Variants in THRB observed in about 807,000 individuals in gnomAD.
THRB encodes the protein nuclear receptor subfamily 1 group A member 2.
THRB carries 12 observed loss-of-function variants against 47.8 expected under a neutral mutation model. The ratio of observed to expected loss-of-function variants is 0.25; its 90% CI spans 0.16 to 0.41. THRB has a LOEUF of 0.41. THRB is among the 10% of genes least tolerant of loss of function. The probability of loss-of-function intolerance (pLI) is 1.00; values close to 1 mark genes in which losing one functional copy is unlikely to be tolerated. For synonymous variants in THRB, 218 were observed against 212.2 expected (o/e 1.03, Z -0.24); for missense variants, 348 against 589.2 (o/e 0.59, Z 4.24).
intron 5 of THRB, among the ~76,000 whole-genome samples, chr3:24,173,265 T>C (rs879800642): frequency 1.2e-4 from 18 of 152,194 alleles, no homozygotes; most frequent in Non-Finnish European, 1.9e-4. Flanking sequence ...CATCACTGGC[T>C]GTTACCTTGA....
chr3:24,479,014 T>C (rs1695933016), intron 1 of THRB, among the ~76,000 whole-genome samples: 3 of 152,114 alleles, frequency 2.0e-5, no homozygotes, highest in Admixed American at 2.0e-4. Flanking sequence ...TATCCTATAA[T>C]GCGGCCGGGC....
chr3:24,180,745 G>C (rs2041791960), intron 5 of THRB, among the ~76,000 whole-genome samples: 1 of 152,180 alleles, frequency 6.6e-6, no homozygotes, highest in South Asian at 2.1e-4. Context: ...CCACAGAATA[G>C]AATAACTGGA....
At chr3:24,400,921 A>C (rs2067340940) in intron 1 of THRB, among the ~76,000 whole-genome samples, 1 of 152,070 alleles carries the variant, frequency 6.6e-6, no homozygotes, top group Non-Finnish European at 1.5e-5. Flanking sequence ...AGAAAAAACA[A>C]AATATTATCT....
At chr3:24,453,138 C>T (rs1351388880) in intron 1 of THRB, among the ~76,000 whole-genome samples, 1 of 152,208 alleles carries the variant, frequency 6.6e-6, no homozygotes, top group Non-Finnish European at 1.5e-5. Context: ...AAACTTCCCT[C>T]CTCTTCTCCA....
chr3:24,181,428 T>C (rs1417772906), intron 5 of THRB, among the ~76,000 whole-genome samples: 1 of 152,252 alleles, frequency 6.6e-6, no homozygotes, highest in African/African-American at 2.4e-5. Flanking sequence ...CTAAACATTC[T>C]CCTATGTGTT....
intron 5 of THRB, among the ~76,000 whole-genome samples, chr3:24,175,535 T>G (rs989424487): frequency 2.6e-5 from 4 of 152,182 alleles, no homozygotes; most frequent in African/African-American, 4.8e-5. Flanking sequence ...TTCGTAAGGC[T>G]GGAGATTGAA....
intron 1 of THRB, among the ~76,000 whole-genome samples, chr3:24,375,359 T>G (rs2065195521): frequency 7.2e-6 from 1 of 139,520 alleles, no homozygotes; most frequent in African/African-American, 2.7e-5. Context: ...ATAATATTAA[T>G]ATATTATATT....
intron 1 of THRB, among the ~76,000 whole-genome samples, chr3:24,485,327 A>G (rs1440834745): frequency 6.6e-6 from 1 of 152,270 alleles, no homozygotes; most frequent in Non-Finnish European, 1.5e-5. Flanking sequence ...ATGTAGAGCT[A>G]GCTTGCTAAA....
At chr3:24,361,092 A>G (rs901031460) in intron 1 of THRB, among the ~76,000 whole-genome samples, 2 of 152,180 alleles carry the variant, frequency 1.3e-5, no homozygotes, top group East Asian at 3.9e-4. Flanking sequence ...GATTTTTATA[A>G]TAACTGTTGA....
intron 1 of THRB, among the ~76,000 whole-genome samples, chr3:24,388,216 AC>A (rs1357842857): frequency 2.0e-5 from 3 of 152,086 alleles, no homozygotes; most frequent in East Asian, 3.9e-4. Context: ...CAGCCCCGTC[AC>A]CCAACTTGGA....
intron 2 of THRB, among the ~76,000 whole-genome samples, chr3:24,330,045 C>G (rs2061818153): frequency 6.6e-6 from 1 of 152,192 alleles, no homozygotes; most frequent in Non-Finnish European, 1.5e-5. Flanking sequence ...GTGGCTCACG[C>G]CTGTAATCCC....
intron 5 of THRB, among the ~76,000 whole-genome samples, chr3:24,159,684 G>A (rs371129483): frequency 8.5e-5 from 13 of 152,048 alleles, no homozygotes; most frequent in African/African-American, 3.1e-4. Context: ...CCTCCCAGGG[G>A]ACATTTGGCG....
intron 3 of THRB, among the ~76,000 whole-genome samples, chr3:24,279,643 A>C (rs112397755): frequency 0.054 from 8,107 of 149,244 alleles, 701 homozygotes; most frequent in African/African-American, 0.18. Context: ...GATCCACCTG[A>C]CTCGGCCTCC....
At chr3:24,173,714 C>G (rs910543157) in intron 5 of THRB, among the ~76,000 whole-genome samples, 4 of 152,364 alleles carry the variant, frequency 2.6e-5, no homozygotes, top group Non-Finnish European at 5.9e-5. Flanking sequence ...ATCTCCTCAT[C>G]TGTCTTTTAC....
At chr3:24,127,881 A>T in intron 9 of THRB, 124 bp from the exon 10 acceptor site, 1 of 1,165,330 alleles carries the variant, frequency 8.6e-7, no homozygotes. Context: ...GCATTCTTTG[A>T]GCCCATGGTT....
intron 4 of THRB, among the ~76,000 whole-genome samples, chr3:24,194,594 G>A (rs1390232559): frequency 6.6e-6 from 1 of 152,160 alleles, no homozygotes; most frequent in African/African-American, 2.4e-5. Flanking sequence ...GGGAGTTTAG[G>A]CTTGAATGAT....
At chr3:24,173,245 A>G (rs1183783123) in intron 5 of THRB, among the ~76,000 whole-genome samples, 1 of 152,150 alleles carries the variant, frequency 6.6e-6, no homozygotes, top group Non-Finnish European at 1.5e-5. Context: ...GTCTGTGTCA[A>G]CTTTTCTAGC....
At chr3:24,354,330 T>G (rs1202265349) in intron 1 of THRB, among the ~76,000 whole-genome samples, 1 of 152,048 alleles carries the variant, frequency 6.6e-6, no homozygotes, top group African/African-American at 2.4e-5. Flanking sequence ...ATCACACAAA[T>G]TTACCTATGT....
At chr3:24,202,192 A>G (rs1339243318) in intron 4 of THRB, among the ~76,000 whole-genome samples, 3 of 152,230 alleles carry the variant, frequency 2.0e-5, no homozygotes, top group Non-Finnish European at 4.4e-5. Context: ...TGGCTCAGAG[A>G]GGTCACATTC....
Sources: gnomAD v4.1 joint callset for allele counts (sites outside exome capture counted in the v4.1 genomes callset) on GRCh38, gnomAD v4.1.1 for gene constraint, MANE v1.5 for transcripts, NCBI Gene and HGNC (gene_info 2026-07-23, HGNC 2026-07-21) for gene names.